COL26A1: variants seen among roughly 807,000 people sequenced by gnomAD.
COL26A1 encodes the protein collagen type XXVI alpha 1 chain.
A neutral mutation model predicts 59.3 loss-of-function variants in COL26A1; 41 were observed. That is an observed-to-expected ratio of 0.69 (90% CI 0.54 to 0.90). The LOEUF (loss-of-function observed/expected upper bound fraction) is 0.90, where lower values mean the gene tolerates loss of function less well. COL26A1 is among the 40% of genes least tolerant of loss of function. The pLI is 0.00. For missense variants in COL26A1, 612 were observed against 602.3 expected, an observed-to-expected ratio of 1.02 and a Z score of -0.17; for synonymous variants, 266 against 256.0, an observed-to-expected ratio of 1.04 and a Z score of -0.37.
At chr7:101,497,067 G>A (rs943568367) in intron 3 of COL26A1, among the ~76,000 whole-genome samples, 6 of 151,740 alleles carry the variant, frequency 4.0e-5, no homozygotes, top group Non-Finnish European at 5.9e-5. Context: ...GTGAAACTCC[G>A]TCTCTACTAA....
intron 3 of COL26A1, among the ~76,000 whole-genome samples, chr7:101,477,095 C>T (rs1250530828): frequency 3.3e-5 from 5 of 152,140 alleles, no homozygotes; most frequent in Admixed American, 1.3e-4. Flanking sequence ...CTGCCCGCCT[C>T]AGCCTCCCAA....
rs183585143 is a variant in COL26A1, at chr7:101,389,842, C to G, written c.158+26652C>G. ...TGCTGGGATTACAGGCGTGAGCCAC[C>G]GCGTCTGGCAATTTTTTGTATTTTA... is the stretch of plus-strand genomic sequence containing the variant. On this transcript the variant is annotated intron_variant, in intron 1 of 12. Coordinates refer to ENST00000313669, the MANE Select transcript of COL26A1 (RefSeq NM_001278563.3). Among the ~76,000 whole-genome samples, 386 of 152,028 alleles carry G rather than the reference C, an allele frequency of 2.5e-3. 3 individuals carry two copies. The highest frequency in any genetic ancestry group is 8.8e-3 in the African/African-American group (367 of 41,488).
At chr7:101,402,301 C>T (rs1306196421) in intron 1 of COL26A1, among the ~76,000 whole-genome samples, 2 of 152,098 alleles carry the variant, frequency 1.3e-5, no homozygotes, top group Non-Finnish European at 2.9e-5. Flanking sequence ...GGGATTTTCC[C>T]CCCCAAGTGA....
intron 3 of COL26A1, among the ~76,000 whole-genome samples, chr7:101,490,421 G>C (rs937661746): frequency 6.6e-6 from 1 of 151,010 alleles, no homozygotes; most frequent in Admixed American, 6.6e-5. Context: ...AGAGAGGCAG[G>C]CCAGGCACAG....
At chr7:101,400,352 TA>T (rs147104602) in intron 1 of COL26A1, among the ~76,000 whole-genome samples, 2,855 of 104,092 alleles carry the variant, frequency 0.027, 304 homozygotes, top group African/African-American at 0.031. Context: ...TTTTTTTTCC[TA>T]TTTTTTTTTT....
At chr7:101,493,204 G>C (rs948679093) in intron 3 of COL26A1, among the ~76,000 whole-genome samples, 1 of 152,046 alleles carries the variant, frequency 6.6e-6, no homozygotes, top group Non-Finnish European at 1.5e-5. Context: ...AAGCTAGGAC[G>C]GACCAGGCTG....
Position 101,363,108 on chromosome 7 carries a change from C to T in COL26A1, c.76C>T (p.Pro26Ser). 3 of 1,551,796 alleles carry T rather than the reference C, an allele frequency of 1.9e-6. No homozygotes were observed. The highest frequency in any genetic ancestry group is 2.6e-6 in the Non-Finnish European group (3 of 1,157,624). ...GGCGCTGGCCACCGGCTTCCTCTAT[C>T]CCTTCTCGGCCGCAGCTCTGCAGCA... ...GSALATGFLY[P>S]FSAAALQQHG... The change falls in exon 1 of 13, where the codon CCC (proline) becomes TCC (serine). Residue 26 changes from proline to serine, a missense_variant. Coordinates refer to ENST00000313669, the MANE Select transcript of COL26A1 (RefSeq NM_001278563.3).
chr7:101,530,566 T>TAA (rs558473831), intron 3 of COL26A1, among the ~76,000 whole-genome samples: 2,677 of 90,176 alleles, frequency 0.03, 95 homozygotes, highest in African/African-American at 0.045. Flanking sequence ...ACTCTGTCTT[T>TAA]AAAAAAAAAA....
intron 3 of COL26A1, among the ~76,000 whole-genome samples, chr7:101,506,010 A>G (rs1037429496): frequency 1.3e-5 from 2 of 152,192 alleles, no homozygotes; most frequent in Non-Finnish European, 2.9e-5. Flanking sequence ...ACCCTAGGAC[A>G]GGAGAAGCCA....
intron 3 of COL26A1, among the ~76,000 whole-genome samples, chr7:101,509,022 A>G (rs530783972): frequency 1.8e-4 from 28 of 152,208 alleles, no homozygotes; most frequent in Non-Finnish European, 3.5e-4. Flanking sequence ...GCCTGGCACC[A>G]GCATTTGCTC....
At chr7:101,528,544 C>T (rs1254854209) in intron 3 of COL26A1, among the ~76,000 whole-genome samples, 2 of 151,280 alleles carry the variant, frequency 1.3e-5, no homozygotes, top group Non-Finnish European at 2.9e-5. Flanking sequence ...CCCCTCCTGT[C>T]CTCTCCCTTC....
chr7:101,478,722 G>T (rs11972080), intron 3 of COL26A1, among the ~76,000 whole-genome samples: 2 of 152,064 alleles, frequency 1.3e-5, no homozygotes, highest in Non-Finnish European at 2.9e-5. Flanking sequence ...TCCTGTATGC[G>T]TTTTCTCTTT....
In COL26A1 at chr7:101,539,963, C is replaced by T. The variant is rs115046703; in HGVS notation, c.518C>T (p.Pro173Leu). The T allele has an allele frequency of 7.8e-5, 126 of 1,613,762 alleles. 1 individual carries two copies. The African/African-American group carries it at 1.4e-3, about 18-fold the overall frequency. ...DNDLPAPEST[P>L]PTWNEDFLPD... The stretch of plus-strand genomic sequence containing the variant: ...GACCTGCCAGCCCCCGAGAGCACTC[C>T]GCCGACCTGGAATGAGGACTTCCTC... The change falls in exon 5 of 13, where the codon CCG (proline) becomes CTG (leucine). Residue 173 changes from proline to leucine, a missense_variant. Physicochemically the swap from Pro to Leu is moderately conservative, Grantham distance 98. Coordinates refer to ENST00000313669, the MANE Select transcript of COL26A1 (RefSeq NM_001278563.3).
At chr7:101,431,937 G>A (rs117400336) in intron 2 of COL26A1, among the ~76,000 whole-genome samples, 2,713 of 150,746 alleles carry the variant, frequency 0.018, 40 homozygotes, top group Non-Finnish European at 0.028. Flanking sequence ...GACTACAGGC[G>A]TACACCACCA....
chr7:101,552,740 C>A (rs1795886329), intron 10 of COL26A1, among the ~76,000 whole-genome samples: 1 of 152,014 alleles, frequency 6.6e-6, no homozygotes, highest in South Asian at 2.1e-4. Context: ...AACCCCGTCT[C>A]TACTACAAAT....
chr7:101,474,314 G>A (rs1584440309), intron 3 of COL26A1, among the ~76,000 whole-genome samples: 1 of 152,044 alleles, frequency 6.6e-6, no homozygotes, highest in African/African-American at 2.4e-5. Context: ...ATACAGGGTT[G>A]GGCTGGGTGT....
chr7:101,498,190 G>A (rs1296665019), intron 3 of COL26A1, among the ~76,000 whole-genome samples: 1 of 152,180 alleles, frequency 6.6e-6, no homozygotes, highest in Admixed American at 6.5e-5. Flanking sequence ...TTCTCAGCAG[G>A]TCGGATAAGG....
chr7:101,443,872 C>CT (rs11352431), intron 2 of COL26A1, among the ~76,000 whole-genome samples: 8,093 of 124,718 alleles, frequency 0.065, 330 homozygotes, highest in African/African-American at 0.1. Flanking sequence ...TTTTTCTTTT[C>CT]TTTTTTTTTT....
intron 7 of COL26A1, among the ~76,000 whole-genome samples, 184 bp downstream of exon 7, chr7:101,545,674 T>C (rs1053874899): frequency 6.6e-6 from 1 of 152,158 alleles, no homozygotes; most frequent in African/African-American, 2.4e-5. Context: ...GGCCTGCCAG[T>C]GACGATGACA....
Sources: allele counts gnomAD v4.1 joint callset (sites outside exome capture counted in the v4.1 genomes callset), GRCh38; gene constraint gnomAD v4.1.1; transcripts MANE v1.5; gene names NCBI Gene and HGNC (gene_info 2026-07-23, HGNC 2026-07-21).